The following SLC9A9 variants were observed in gnomAD, a reference collection of about 807,000 sequenced individuals.
The protein encoded by SLC9A9 is solute carrier family 9 member A9.
Under a neutral mutation model 77.8 loss-of-function variants are expected in SLC9A9, and 62 were observed. That is an observed-to-expected ratio of 0.80 (90% confidence interval 0.65 to 0.98). SLC9A9 has a LOEUF of 0.98. Among genes scored for constraint, SLC9A9 ranks in the 50% least tolerant of loss-of-function variants. The probability of loss-of-function intolerance (pLI) is 0.00; values close to 1 mark genes in which losing one functional copy is unlikely to be tolerated. For synonymous variants in SLC9A9, 320 were observed against 283.5 expected (o/e 1.13, Z -1.29); for missense variants, 775 against 774.9 (o/e 1.00, Z 0.00).
chr3:143,461,673 A>C (rs1328834188), intron 12 of SLC9A9, among the ~76,000 whole-genome samples: 1 of 152,220 alleles, frequency 6.6e-6, no homozygotes, highest in Non-Finnish European at 1.5e-5. Flanking sequence ...GGACCTGCTC[A>C]GTCTAACTCC....
chr3:143,792,370 G>A (rs577578862), intron 4 of SLC9A9, among the ~76,000 whole-genome samples: 19 of 152,306 alleles, frequency 1.2e-4, no homozygotes, highest in African/African-American at 4.1e-4. Context: ...TATCAAGACT[G>A]GCAGCATAAA....
chr3:143,840,122 C>T (rs1425177717), intron 1 of SLC9A9, among the ~76,000 whole-genome samples: 1 of 152,196 alleles, frequency 6.6e-6, no homozygotes, highest in Non-Finnish European at 1.5e-5. Flanking sequence ...GGGCCGCACC[C>T]ACCCCAGAGT....
chr3:143,701,823 C>T (rs1437907869), intron 4 of SLC9A9, among the ~76,000 whole-genome samples: 2 of 152,082 alleles, frequency 1.3e-5, no homozygotes, highest in African/African-American at 4.8e-5. Flanking sequence ...TTACAGAACA[C>T]CAAGCAGATG....
At chr3:143,295,859 A>C (rs561856727) in intron 14 of SLC9A9, among the ~76,000 whole-genome samples, 96 of 121,488 alleles carry the variant, frequency 7.9e-4, no homozygotes, top group Non-Finnish European at 1.4e-3. Flanking sequence ...AAGTATGCAA[A>C]GTCTCCTGCT....
At position 143,467,164 on chromosome 3, in the gene SLC9A9, A is replaced by G. The variant is rs756316641; in HGVS notation, c.1342T>C (p.Leu448=). The G allele has an allele frequency of 1.9e-6, 3 of 1,614,218 alleles. No individual in the cohort carries two copies. Among genetic ancestry groups the G allele is most frequent in the Non-Finnish European group, 1.7e-6 (2 of 1,180,024 alleles). The change falls in exon 12 of 16, where the codon TTA becomes CTA. Residue 448 remains leucine (L), a synonymous_variant. Coordinates refer to ENST00000316549, the MANE Select transcript of SLC9A9 (RefSeq NM_173653.4). The part of the protein sequence containing the change: ...SGLRGAIAFA[L]AIRNTESQPK... ...TGAGATTCTGTGTTCCGAATAGCTA[A>G]GGCAAATGCGATCGCTCCTCGCAAA...
chr3:143,821,716 A>G (rs952864979), intron 2 of SLC9A9, among the ~76,000 whole-genome samples: 1 of 152,186 alleles, frequency 6.6e-6, no homozygotes, highest in Non-Finnish European at 1.5e-5. Context: ...AAATACTCCT[A>G]TTATGGCCCA....
chr3:143,787,145 G>C (rs1030436167), intron 4 of SLC9A9, among the ~76,000 whole-genome samples: 1 of 152,118 alleles, frequency 6.6e-6, no homozygotes, highest in Non-Finnish European at 1.5e-5. Context: ...AGAAGAATCA[G>C]AGTTTCCCAG....
At chr3:143,436,024 G>A (rs1005864767) in intron 12 of SLC9A9, among the ~76,000 whole-genome samples, 3 of 152,052 alleles carry the variant, frequency 2.0e-5, no homozygotes, top group Non-Finnish European at 2.9e-5. Context: ...CAGTCCCATG[G>A]GCCCAACCCA....
At chr3:143,461,285 C>T (rs2035186757) in intron 12 of SLC9A9, among the ~76,000 whole-genome samples, 1 of 152,086 alleles carries the variant, frequency 6.6e-6, no homozygotes, top group African/African-American at 2.4e-5. Flanking sequence ...ATAGGAGTTG[C>T]CTGTAAAATT....
chr3:143,387,788 A>AAC (rs2108502519), intron 12 of SLC9A9, among the ~76,000 whole-genome samples: 1 of 151,992 alleles, frequency 6.6e-6, no homozygotes, highest in Non-Finnish European at 1.5e-5. Context: ...CATAGTTAAA[A>AAC]AAAAAAAAAT....
intron 5 of SLC9A9, among the ~76,000 whole-genome samples, chr3:143,668,445 C>G (rs894972399): frequency 6.6e-6 from 1 of 151,964 alleles, no homozygotes; most frequent in Middle Eastern, 3.4e-3. Flanking sequence ...CAATCCTGCA[C>G]GTTGTGCACA....
intron 12 of SLC9A9, among the ~76,000 whole-genome samples, chr3:143,395,418 C>A (rs1230608656): frequency 5.9e-5 from 9 of 152,290 alleles, no homozygotes; most frequent in African/African-American, 2.2e-4. Flanking sequence ...AAACTGGATC[C>A]CTTCCTTACA....
intron 2 of SLC9A9, among the ~76,000 whole-genome samples, chr3:143,800,344 T>C (rs1258844748): frequency 6.6e-6 from 1 of 152,116 alleles, no homozygotes; most frequent in African/African-American, 2.4e-5. Context: ...CATGGCCTTT[T>C]AAAGCCTACA....
chr3:143,660,318 A>G (rs1376070093), intron 5 of SLC9A9, among the ~76,000 whole-genome samples: 1 of 152,208 alleles, frequency 6.6e-6, no homozygotes, highest in Non-Finnish European at 1.5e-5. Flanking sequence ...AGGATCCAAC[A>G]CACTGTTCTT....
intron 1 of SLC9A9, among the ~76,000 whole-genome samples, chr3:143,846,459 C>T (rs2009831922): frequency 6.6e-6 from 1 of 152,156 alleles, no homozygotes; most frequent in Non-Finnish European, 1.5e-5. Flanking sequence ...CCTAGGGCTT[C>T]ACATCTGATG....
intron 1 of SLC9A9, among the ~76,000 whole-genome samples, chr3:143,834,526 G>T (rs1326639009): frequency 6.8e-6 from 1 of 146,300 alleles, no homozygotes; most frequent in Non-Finnish European, 1.5e-5. Flanking sequence ...TAAATGGAAA[G>T]AATCCATATT....
chr3:143,581,511 C>A (rs2037452353), intron 6 of SLC9A9, among the ~76,000 whole-genome samples: 1 of 151,988 alleles, frequency 6.6e-6, no homozygotes. Context: ...TCCCTCCCTC[C>A]CTTCCTTCCT....
intron 4 of SLC9A9, among the ~76,000 whole-genome samples, chr3:143,756,582 A>T (rs2006930640): frequency 6.6e-6 from 1 of 152,220 alleles, no homozygotes; most frequent in African/African-American, 2.4e-5. Context: ...GGTCTTCCAC[A>T]TCTGTGCATA....
At chr3:143,524,156 A>G (rs375071657) in intron 9 of SLC9A9, among the ~76,000 whole-genome samples, 1 of 145,098 alleles carries the variant, frequency 6.9e-6, no homozygotes. Context: ...ATTATCTACA[A>G]TGAAAAATGC....
Sources: allele counts gnomAD v4.1 joint callset (sites outside exome capture counted in the v4.1 genomes callset), GRCh38; gene constraint gnomAD v4.1.1; transcripts MANE v1.5; gene names NCBI Gene and HGNC (gene_info 2026-07-23, HGNC 2026-07-21).